PTPRJ: variants seen among roughly 807,000 people sequenced by gnomAD.
The protein encoded by PTPRJ is receptor-type tyrosine-protein phosphatase eta.
In PTPRJ, 129 loss-of-function variants were observed where a neutral mutation model predicts 141.3. The observed-to-expected ratio is 0.91, with a 90% CI of 0.79 to 1.06. The LOEUF is 1.06. PTPRJ is among the 50% of genes least tolerant of loss of function. The pLI is 0.00. For synonymous variants in PTPRJ, 610 were observed against 640.5 expected (o/e 0.95, Z 0.72); for missense variants, 1,601 against 1,679.7 (o/e 0.95, Z 0.82).
chr11:48,117,540 C>CAAAAAAAAA (rs71045545), intron 3 of PTPRJ, among the ~76,000 whole-genome samples: 2 of 19,696 alleles, frequency 1.0e-4, no homozygotes, highest in African/African-American at 2.4e-4. Context: ...GATTCTGTCT[C>CAAAAAAAAA]AAAAAAAAAA....
At chr11:47,983,877 C>CT (rs1378795349) in intron 1 of PTPRJ, among the ~76,000 whole-genome samples, 1 of 152,032 alleles carries the variant, frequency 6.6e-6, no homozygotes, top group Non-Finnish European at 1.5e-5. Flanking sequence ...TTTATCTTCA[C>CT]TTTCTTGTTT....
At chr11:48,015,015 A>G (rs1282378963) in intron 1 of PTPRJ, among the ~76,000 whole-genome samples, 1 of 152,118 alleles carries the variant, frequency 6.6e-6, no homozygotes, top group East Asian at 1.9e-4. Flanking sequence ...CAGATGGACC[A>G]TTTTAAAGAT....
At chr11:48,060,498 C>T (rs560709072) in intron 1 of PTPRJ, among the ~76,000 whole-genome samples, 39 of 152,242 alleles carry the variant, frequency 2.6e-4, no homozygotes, top group African/African-American at 8.4e-4. Context: ...CAAGCATTTG[C>T]TCTACCCACA....
At chr11:48,009,416 C>T (rs1192701000) in intron 1 of PTPRJ, among the ~76,000 whole-genome samples, 4 of 152,024 alleles carry the variant, frequency 2.6e-5, no homozygotes, top group Admixed American at 1.3e-4. Context: ...GCCAGTATGG[C>T]GAGACCCCAT....
intron 1 of PTPRJ, among the ~76,000 whole-genome samples, chr11:48,093,164 T>C (rs1296070220): frequency 1.3e-5 from 2 of 152,250 alleles, no homozygotes; most frequent in African/African-American, 4.8e-5. Context: ...TCAGTGATCA[T>C]GTATGTGATT....
chr11:48,092,294 CAAAAAAAAAAAA>C (rs3971621), intron 1 of PTPRJ, among the ~76,000 whole-genome samples: 1 of 46,956 alleles, frequency 2.1e-5, no homozygotes, highest in Non-Finnish European at 3.9e-5. Context: ...GATTTCATCT[CAAAAAAAAAAAA>C]AAAAAAAAAA....
intron 1 of PTPRJ, among the ~76,000 whole-genome samples, chr11:48,072,573 A>G (rs1207857890): frequency 2.6e-5 from 4 of 152,188 alleles, no homozygotes; most frequent in Non-Finnish European, 5.9e-5. Context: ...ATTTTTTCCA[A>G]CAATCCTAAA....
At chr11:48,133,298 A>G (rs1857020311) in intron 8 of PTPRJ, among the ~76,000 whole-genome samples, 1 of 152,204 alleles carries the variant, frequency 6.6e-6, no homozygotes, top group African/African-American at 2.4e-5. Flanking sequence ...AAAGTTTAGT[A>G]TTAGTGAGGA....
At chr11:47,986,375 T>A (rs560032720) in intron 1 of PTPRJ, among the ~76,000 whole-genome samples, 1 of 152,208 alleles carries the variant, frequency 6.6e-6, no homozygotes, top group Non-Finnish European at 1.5e-5. Flanking sequence ...TAACACTTCC[T>A]GCTTCACTGG....
At position 48,127,840 on chromosome 11, in the gene PTPRJ, T is replaced by G; in HGVS notation, c.1154T>G (p.Ile385Ser). Residue 385 changes from isoleucine to serine, a missense_variant, in exon 7 of 25, where the codon ATC (isoleucine) becomes AGC (serine). Coordinates refer to ENST00000418331, the MANE Select transcript of PTPRJ (RefSeq NM_002843.4). ...ATCAGTGCCACAAGCCTGACCCTGATCTGGAAAGTCAGCGATAACGAGTCG... is the reference window on the plus strand; with the variant it reads ...ATCAGTGCCACAAGCCTGACCCTGAGCTGGAAAGTCAGCGATAACGAGTCG... The part of the protein sequence containing the change: ...VNISATSLTL[I>S]WKVSDNESSS... 6.2e-7 allele frequency: 1 copy of G among 1,614,180 alleles called. No homozygotes were observed.
intron 12 of PTPRJ, among the ~76,000 whole-genome samples, 189 bp downstream of exon 12, chr11:48,143,239 G>A (rs1857276214): frequency 6.6e-6 from 1 of 152,192 alleles, no homozygotes; most frequent in African/African-American, 2.4e-5. Flanking sequence ...TCTGGAAAGG[G>A]CCAGATTGCC....
chr11:48,153,945 A>C, intron 19 of PTPRJ, 59 bp downstream of exon 19: 4 of 1,180,748 alleles, frequency 3.4e-6, no homozygotes, highest in Non-Finnish European at 5.1e-6. Flanking sequence ...TCACATCTCT[A>C]AGTGTAGAGG....
intron 1 of PTPRJ, among the ~76,000 whole-genome samples, chr11:48,064,544 T>C (rs1329890997): frequency 6.6e-6 from 1 of 152,180 alleles, no homozygotes; most frequent in Non-Finnish European, 1.5e-5. Flanking sequence ...CAGCATGTTT[T>C]CCTGCTGAGC....
intron 1 of PTPRJ, among the ~76,000 whole-genome samples, chr11:48,062,228 G>A (rs1280420971): frequency 6.6e-6 from 1 of 151,692 alleles, no homozygotes; most frequent in East Asian, 2.0e-4. Context: ...AAAAGTGCCT[G>A]GCAGGCCAGG....
Position 48,167,439 on chromosome 11 carries a change from G to GT in PTPRJ, c.*82dup, listed in dbSNP as rs1857943517. On this transcript the variant is annotated 3_prime_UTR_variant, in exon 25 of 25. Coordinates refer to ENST00000418331, the MANE Select transcript of PTPRJ (RefSeq NM_002843.4). ...AAGGCACATGCCCCGATGTCGACAT[G>GT]TTTTTATATGTCTAATATCTTAATT... is the stretch of plus-strand genomic sequence containing the variant. The GT allele has an allele frequency of 2.8e-6, 4 of 1,425,098 alleles. No individual in the cohort carries two copies. In the Admixed American group the frequency reaches 8.3e-5, roughly 29 times the overall value. 88.3% of individuals were successfully genotyped at this position (1,425,098 alleles called of 1,614,324 possible).
intron 1 of PTPRJ, among the ~76,000 whole-genome samples, chr11:48,094,589 G>C (rs12292463): frequency 0.015 from 2,325 of 152,250 alleles, 57 homozygotes; most frequent in African/African-American, 0.053. Flanking sequence ...CTAATACAAG[G>C]ATTTGGAGAA....
intron 22 of PTPRJ, 30 bp from the exon 23 acceptor site, chr11:48,163,426 GTC>G (rs779172486): frequency 1.2e-6 from 2 of 1,604,848 alleles, no homozygotes; most frequent in African/African-American, 2.7e-5. Flanking sequence ...CAGCCTTTCT[GTC>G]TGGATCTAAA....
intron 24 of PTPRJ, among the ~76,000 whole-genome samples, chr11:48,165,387 GTAC>G (rs1049954629): frequency 6.6e-6 from 1 of 152,220 alleles, no homozygotes; most frequent in African/African-American, 2.4e-5. Flanking sequence ...TATAGTTTCT[GTAC>G]TACTGCTGGA....
intron 1 of PTPRJ, among the ~76,000 whole-genome samples, chr11:48,011,924 A>G (rs2134202546): frequency 6.6e-6 from 1 of 152,342 alleles, no homozygotes; most frequent in East Asian, 1.9e-4. Flanking sequence ...TTGGCCTCCC[A>G]AAGTGCTGAC....
Sources: allele counts gnomAD v4.1 joint callset (sites outside exome capture counted in the v4.1 genomes callset), GRCh38; gene constraint gnomAD v4.1.1; transcripts MANE v1.5; gene names NCBI Gene and HGNC (gene_info 2026-07-23, HGNC 2026-07-21).